The following PHF3 variants were observed in gnomAD, a reference collection of about 807,000 sequenced individuals.
PHF3 encodes the protein PHD finger protein 3.
Under a neutral mutation model 178.4 loss-of-function variants are expected in PHF3, and 41 were observed. The ratio of observed to expected loss-of-function variants is 0.23; its 90% CI spans 0.18 to 0.30. The LOEUF (loss-of-function observed/expected upper bound fraction) is 0.30, where lower values mean the gene tolerates loss of function less well. Among genes scored for constraint, PHF3 ranks in the 10% least tolerant of loss-of-function variants. PHF3 has a pLI of 1.00. For missense variants in PHF3, 2,346 were observed against 2,398.1 expected (o/e 0.98, Z 0.45); for synonymous variants, 842 against 800.5 (o/e 1.05, Z -0.88).
In PHF3 at chr6:63,720,865, T is replaced by C. The variant is rs757350552; in HGVS notation, c.*7157T>C. The C allele has an allele frequency of 3.9e-5, 61 of 1,551,138 alleles. No individual in the cohort carries two copies. Among genetic ancestry groups the C allele is most frequent in the Non-Finnish European group, 5.0e-5 (57 of 1,146,660 alleles). ...AGACTGTTATTTATGTAGGCCTTGA[T>C]AAGAGTCTGATTTTGAATTACAACT... On this transcript the variant is annotated 3_prime_UTR_variant, in exon 16 of 16. Transcript: ENST00000262043.
Position 63,720,735 on chromosome 6 carries a change from A to G in PHF3, c.*7027A>G. On this transcript the variant is annotated 3_prime_UTR_variant, in exon 16 of 16. Transcript: ENST00000262043. ...ATTGGTTTTAAAAATCTCTTGAGTA[A>G]CGATATTTACCTTTCTACCATATTC... is the stretch of plus-strand genomic sequence containing the variant. 6.5e-7 allele frequency: 1 copy of G among 1,549,472 alleles called. No individual in the cohort carries two copies. Among genetic ancestry groups the G allele is most frequent in the Non-Finnish European group, 8.7e-7 (1 of 1,146,112 alleles).
chr6:63,636,242 C>A (rs1009314582), intron 1 of PHF3, 92 bp downstream of exon 1: 20 of 307,764 alleles, frequency 6.5e-5, no homozygotes, highest in African/African-American at 3.7e-4. Context: ...CGGGCCTCTC[C>A]GCCCCTCCCG....
Position 63,685,080 on chromosome 6 carries a change from CTATAGA to C in PHF3, c.1359_1364del (p.Ile454_Glu455del), listed in dbSNP as rs752185911. The C allele has an allele frequency of 1.2e-5, 19 of 1,613,722 alleles. No homozygotes were observed. In the East Asian group the frequency reaches 4.2e-4, roughly 36 times the overall value. On this transcript the variant is annotated inframe_deletion, in exon 4 of 16. Coordinates refer to ENST00000262043, the MANE Select transcript of PHF3 (RefSeq NM_001370348.2). ...GACCAAAATTCAAAACAGTTGAATG[CTATAGA>C]AAGTACTAAAATAGAGTCCCATGAA...
At position 63,711,744 on chromosome 6, in the gene PHF3, G is replaced by A. The variant is rs755076157; in HGVS notation, c.4156G>A (p.Val1386Ile). The change falls in exon 16 of 16, where the codon GTT becomes ATT. Residue 1386 changes from valine to isoleucine, a missense_variant. Coordinates refer to ENST00000262043, the MANE Select transcript of PHF3 (RefSeq NM_001370348.2). ...LPPDKKSKIE[V>I]STEEAPEEEN... is the part of the protein sequence containing the mutation. ...ACCTGATAAAAAAAGTAAAATAGAA[G>A]TTTCTACAGAAGAAGCACCAGAGGA... The A allele has an allele frequency of 1.9e-5, 31 of 1,613,538 alleles. 1 individual carries two copies. The South Asian group carries it at 2.4e-4, about 13-fold the overall frequency.
chr6:63,639,762 C>T (rs989935367), intron 1 of PHF3, among the ~76,000 whole-genome samples: 14 of 152,198 alleles, frequency 9.2e-5, no homozygotes, highest in African/African-American at 2.6e-4. Flanking sequence ...ATAATGCATA[C>T]GATACACAGG....
chr6:63,698,745 A>G, intron 8 of PHF3, 140 bp downstream of exon 8: 1 of 569,332 alleles, frequency 1.8e-6, no homozygotes, highest in South Asian at 3.5e-5. Flanking sequence ...TGTAATTTTA[A>G]TAGTCTTTTT....
chr6:63,680,950 A>G (rs1038643053), intron 3 of PHF3, among the ~76,000 whole-genome samples: 4 of 151,832 alleles, frequency 2.6e-5, no homozygotes, highest in African/African-American at 9.7e-5. Flanking sequence ...CTCTTTCTGG[A>G]TTCAATTTTT....
At chr6:63,702,697 A>G in intron 10 of PHF3, 58 bp downstream of exon 10, 1 of 1,498,284 alleles carries the variant, frequency 6.7e-7, no homozygotes, top group Non-Finnish European at 9.1e-7. Flanking sequence ...GAAAAGGTTT[A>G]TTTGCCTAAT....
At chr6:63,647,917 C>G (rs979659002) in intron 2 of PHF3, among the ~76,000 whole-genome samples, 5 of 152,040 alleles carry the variant, frequency 3.3e-5, no homozygotes, top group African/African-American at 1.2e-4. Flanking sequence ...TTTTCATTGA[C>G]TAGACTTTTT....
chr6:63,647,195 C>T (rs1051633652), intron 2 of PHF3, among the ~76,000 whole-genome samples: 18 of 152,068 alleles, frequency 1.2e-4, no homozygotes, highest in African/African-American at 3.6e-4. Context: ...CTGCTGGAGT[C>T]GGGGGATGGC....
Position 63,723,788 on chromosome 6 carries a change from CATTATTATTATT to C in PHF3, c.*10117_*10128del, listed in dbSNP as rs57873412. 0.073 allele frequency among the ~76,000 whole-genome samples: 10,122 copies of C among 138,120 alleles called. 401 individuals carry two copies. Among genetic ancestry groups the C allele is most frequent in the East Asian group, 0.14 (674 of 4,754 alleles). 90.6% of individuals were successfully genotyped at this position (138,120 alleles called of 152,430 possible). On this transcript the variant is annotated 3_prime_UTR_variant, in exon 16 of 16. Transcript: ENST00000262043. ...GTTATGGGTCATAAGTACACATTGG[CATTATTATTATT>C]ATTATTATTATTATTATTATTATTA...
At chr6:63,697,544 C>A (rs750553386) in intron 6 of PHF3, among the ~76,000 whole-genome samples, 3 of 151,982 alleles carry the variant, frequency 2.0e-5, no homozygotes, top group Non-Finnish European at 4.4e-5. Flanking sequence ...CCGTTTGTTG[C>A]CTATTTGGGT....
chr6:63,723,697 A>G lies in PHF3; in HGVS notation c.*9989A>G, dbSNP rs1768497136. Among the ~76,000 whole-genome samples the G allele has an allele frequency of 6.6e-6, 1 of 152,000 alleles. No homozygotes were observed. The highest frequency in any genetic ancestry group is 2.1e-4 in the South Asian group (1 of 4,828). ...TTTTCTTTCTGTGGCTATGGAAGCTAAAAGCTGTATTAGCTTAAAAAATCA... is the reference window on the plus strand; with the variant it reads ...TTTTCTTTCTGTGGCTATGGAAGCTGAAAGCTGTATTAGCTTAAAAAATCA... On this transcript the variant is annotated 3_prime_UTR_variant, in exon 16 of 16. Coordinates refer to ENST00000262043, the MANE Select transcript of PHF3 (RefSeq NM_001370348.2).
In PHF3 at chr6:63,684,382, T is replaced by C. The variant is rs1766578993; in HGVS notation, c.660T>C (p.Ser220=). Residue 220 remains serine, a synonymous_variant, in exon 4 of 16, where the codon TCT becomes TCC. Transcript: ENST00000262043. ...AAGTATCAGTGTCTTCAAGTCATTC[T>C]TCAGTGTCATCTTGTCTTGAAATGA... ...VPEVSVSSSH[S]SVSSCLEMKD... 1.2e-6 allele frequency: 2 copies of C among 1,613,946 alleles called. No homozygotes were observed. Among genetic ancestry groups the C allele is most frequent in the Non-Finnish European group, 1.7e-6 (2 of 1,179,920 alleles).
At chr6:63,701,127 C>T (rs921939400) in intron 9 of PHF3, among the ~76,000 whole-genome samples, 2 of 152,124 alleles carry the variant, frequency 1.3e-5, no homozygotes, top group African/African-American at 2.4e-5. Flanking sequence ...TGAATTAAGT[C>T]AGAATAAAAA....
chr6:63,703,399 C>A (rs897685780), intron 10 of PHF3, 137 bp from the exon 11 acceptor site: 93 of 849,836 alleles, frequency 1.1e-4, no homozygotes, highest in Middle Eastern at 2.8e-4. Context: ...TAAAAAAAAA[C>A]CAAAAAACAA....
intron 1 of PHF3, among the ~76,000 whole-genome samples, chr6:63,641,718 A>C (rs1475024829): frequency 2.0e-5 from 3 of 151,622 alleles, no homozygotes; most frequent in Non-Finnish European, 4.4e-5. Flanking sequence ...GCTCACTGCA[A>C]CCTCTGCTTC....
At position 63,684,450 on chromosome 6, in the gene PHF3, C is replaced by A; in HGVS notation, c.728C>A (p.Pro243Gln). 1 of 1,613,742 alleles carries A rather than the reference C, an allele frequency of 6.2e-7. No individual in the cohort carries two copies. Among genetic ancestry groups the A allele is most frequent in the South Asian group, 1.1e-5 (1 of 91,054 alleles). The change falls in exon 4 of 16, where the codon CCG (proline) becomes CAG (glutamine). Residue 243 changes from proline to glutamine, a missense_variant. Pro to Gln is a moderately conservative substitution (Grantham distance 76, BLOSUM62 -1). This residue lies in a region of PHF3 where 843 missense variants were observed against 795.2 expected (regional missense o/e 1.06). Transcript: ENST00000262043. ...GLDSKHKCNN[P>Q]GEIDVPSHEL... ...GATTCTAAGCATAAGTGTAATAATC[C>A]GGGAGAAATAGATGTGCCATCTCAT...
intron 4 of PHF3, among the ~76,000 whole-genome samples, chr6:63,687,558 T>C (rs1766768495): frequency 6.6e-6 from 1 of 152,178 alleles, no homozygotes; most frequent in Non-Finnish European, 1.5e-5. Context: ...CTTTAAAAAA[T>C]TATCATGTGG....
Sources: gnomAD v4.1 joint callset for allele counts (sites outside exome capture counted in the v4.1 genomes callset) on GRCh38, gnomAD v4.1.1 for gene constraint, gnomAD v4.1.1 regional missense constraint, MANE v1.5 for transcripts, NCBI Gene and HGNC (gene_info 2026-07-23, HGNC 2026-07-21) for gene names.